Variants in DLG2 observed in about 807,000 individuals in gnomAD.
DLG2 encodes the protein disks large homolog 2.
A neutral mutation model predicts 132.5 loss-of-function variants in DLG2; 45 were observed. The ratio of observed to expected loss-of-function variants is 0.34; its 90% CI spans 0.27 to 0.44. The LOEUF (loss-of-function observed/expected upper bound fraction) is 0.44. DLG2 is among the 20% of genes least tolerant of loss of function. The probability of loss-of-function intolerance (pLI) is 1.00; values close to 1 mark genes in which losing one functional copy is unlikely to be tolerated. For missense variants in DLG2, 1,045 were observed against 1,196.9 expected, an observed-to-expected ratio of 0.87 and a Z score of 1.87; for synonymous variants, 424 against 419.6, an observed-to-expected ratio of 1.01 and a Z score of -0.13.
At chr11:84,874,047 C>T (rs2085923498) in intron 6 of DLG2, among the ~76,000 whole-genome samples, 1 of 152,166 alleles carries the variant, frequency 6.6e-6, no homozygotes, top group Admixed American at 6.6e-5. Flanking sequence ...GGAAACTAAA[C>T]CCTCACATCT....
intron 10 of DLG2, among the ~76,000 whole-genome samples, chr11:84,095,074 T>A (rs1423566360): frequency 1.3e-5 from 2 of 151,534 alleles, no homozygotes; most frequent in East Asian, 3.9e-4. Flanking sequence ...GAAAAAAAAG[T>A]ATGTGAAAAA....
At chr11:84,945,007 G>A (rs1002045536) in intron 6 of DLG2, among the ~76,000 whole-genome samples, 5 of 152,182 alleles carry the variant, frequency 3.3e-5, no homozygotes, top group African/African-American at 4.8e-5. Flanking sequence ...GAAAGGTCAC[G>A]TATCTCTGTC....
chr11:84,760,917 C>T (rs2067538924), intron 6 of DLG2, among the ~76,000 whole-genome samples: 1 of 152,136 alleles, frequency 6.6e-6, no homozygotes, highest in African/African-American at 2.4e-5. Flanking sequence ...CCTCTTCCTG[C>T]TCCCCATCCA....
chr11:85,445,431 A>G (rs1386556811), intron 3 of DLG2, among the ~76,000 whole-genome samples: 1 of 152,150 alleles, frequency 6.6e-6, no homozygotes, highest in Non-Finnish European at 1.5e-5. Flanking sequence ...TAATCCCAGC[A>G]CTTTGGGTGG....
At chr11:84,675,178 T>G (rs1184398970) in intron 6 of DLG2, among the ~76,000 whole-genome samples, 2 of 152,120 alleles carry the variant, frequency 1.3e-5, no homozygotes, top group East Asian at 3.9e-4. Flanking sequence ...TCTGCTGTCT[T>G]GATTTTCAGC....
intron 6 of DLG2, among the ~76,000 whole-genome samples, chr11:84,628,208 A>AC (rs2099626022): frequency 6.6e-6 from 1 of 152,016 alleles, no homozygotes; most frequent in Non-Finnish European, 1.5e-5. Context: ...TTAACACAGC[A>AC]CCTGGCACAG....
chr11:84,281,727 A>T (rs1163132295), intron 7 of DLG2, among the ~76,000 whole-genome samples: 1 of 152,152 alleles, frequency 6.6e-6, no homozygotes, highest in Non-Finnish European at 1.5e-5. Context: ...ACACTTCACC[A>T]GTGAAGATAT....
intron 3 of DLG2, among the ~76,000 whole-genome samples, chr11:85,500,327 T>A (rs2093768497): frequency 8.0e-6 from 1 of 125,684 alleles, no homozygotes; most frequent in Non-Finnish European, 1.5e-5. Flanking sequence ...CACTCATAGG[T>A]GGGAATTGAA....
In DLG2 at chr11:84,373,265, C is replaced by CAAACAAAAAAAAAA. The variant is rs762481478; in HGVS notation, c.520-121975_520-121974insTTTTTTTTTTGTTT. Among the ~76,000 whole-genome samples, 175 of 98,050 alleles carry CAAACAAAAAAAAAA rather than the reference C, an allele frequency of 1.8e-3. 8 individuals are homozygous for CAAACAAAAAAAAAA. The highest frequency in any genetic ancestry group is 7.0e-3 in the African/African-American group (153 of 21,950). The allele number at this position is 98,050 out of a possible 152,430, so 64.3% of individuals were successfully genotyped here. A position where few individuals can be genotyped will look rare whatever the true frequency, so the allele number is the denominator to read the frequency against. On this transcript the variant is annotated intron_variant, in intron 7 of 27. Transcript: ENST00000376104. Reference sequence around the variant, plus strand: ...AGAAACAGTCAAAAAAAAAAAAAAACAAAACAAAAAAAAAACCCACCAGGC... The same window carrying CAAACAAAAAAAAAA: ...AGAAACAGTCAAAAAAAAAAAAAAACAAACAAAAAAAAAAAAAACAAAAAAAAAACCCACCAGGC...
At chr11:84,990,575 C>A (rs999263589) in intron 6 of DLG2, among the ~76,000 whole-genome samples, 4 of 151,896 alleles carry the variant, frequency 2.6e-5, no homozygotes, top group Non-Finnish European at 5.9e-5. Flanking sequence ...CATTATCCAG[C>A]CTAAAGCATT....
chr11:83,668,225 A>G (rs923524112), intron 18 of DLG2, among the ~76,000 whole-genome samples: 2 of 152,154 alleles, frequency 1.3e-5, no homozygotes, highest in South Asian at 2.1e-4. Flanking sequence ...GAAACAAGGT[A>G]GAATGGAGGG....
intron 4 of DLG2, among the ~76,000 whole-genome samples, chr11:85,199,876 T>A (rs141059919): frequency 4.6e-5 from 7 of 152,040 alleles, no homozygotes; most frequent in African/African-American, 1.7e-4. Context: ...AAACAAAATA[T>A]AGAACTTTGG....
intron 6 of DLG2, among the ~76,000 whole-genome samples, chr11:84,545,967 G>C (rs1271599764): frequency 1.3e-5 from 2 of 152,042 alleles, no homozygotes; most frequent in African/African-American, 4.8e-5. Flanking sequence ...TGTTGGCCAG[G>C]CTGGTCTTGA....
At chr11:84,656,820 G>A (rs1595026227) in intron 6 of DLG2, among the ~76,000 whole-genome samples, 1 of 152,204 alleles carries the variant, frequency 6.6e-6, no homozygotes, top group African/African-American at 2.4e-5. Context: ...GGAAAAAAAT[G>A]CATTTAAAAT....
At chr11:84,139,168 C>A (rs1171760921) in intron 9 of DLG2, among the ~76,000 whole-genome samples, 42 of 152,100 alleles carry the variant, frequency 2.8e-4, no homozygotes, top group Admixed American at 2.8e-3. Context: ...CCCCTTCTAC[C>A]TTTAATCTCT....
In DLG2 at chr11:85,034,520, G is replaced by A. The variant is rs145624995; in HGVS notation, c.357+77141C>T. ...ATGGTAAGCCAACGTGAAGTAACAG[G>A]AGAAATAAGAGTCAAAGTATGCCAA... On this transcript the variant is annotated intron_variant, in intron 6 of 27. Transcript: ENST00000376104. Among the ~76,000 whole-genome samples the A allele has an allele frequency of 1.2e-3, 177 of 152,274 alleles. 3 individuals carry two copies. In the East Asian group the frequency reaches 0.033, roughly 28 times the overall value.
intron 4 of DLG2, among the ~76,000 whole-genome samples, chr11:85,176,887 G>A (rs1423792777): frequency 6.6e-6 from 1 of 152,130 alleles, no homozygotes; most frequent in African/African-American, 2.4e-5. Flanking sequence ...TTAAAGAAAT[G>A]AGAATCAAAA....
rs768420271 is a variant in DLG2 at position 84,420,650 on chromosome 11, C to CTTTTTTTTTTTTTTTT, written c.519+113904_519+113919dup. Among the ~76,000 whole-genome samples, 76 of 42,236 alleles carry CTTTTTTTTTTTTTTTT rather than the reference C, an allele frequency of 1.8e-3. 33 individuals are homozygous for CTTTTTTTTTTTTTTTT. Among genetic ancestry groups the CTTTTTTTTTTTTTTTT allele is most frequent in the Non-Finnish European group, 3.1e-3 (65 of 21,018 alleles). The allele number at this position is 42,236 out of a possible 152,430, so 27.7% of individuals were successfully genotyped here. ...CAGCACAGTGACCAATGCTTGTTTT[C>CTTTTTTTTTTTTTTTT]TTTTTTTTTTTTTTTTTTTTTTTTT... On this transcript the variant is annotated intron_variant, in intron 7 of 27. Transcript: ENST00000376104.
chr11:83,613,793 G>T lies in DLG2; in HGVS notation c.1940+19418C>A, dbSNP rs528590289. On this transcript the variant is annotated intron_variant, in intron 19 of 27. Transcript: ENST00000376104. ...AAAGAAAAGAAACCAAAAAAAGAAA[G>T]AAAAGATAAAATAGTGGTTCTCAGA... 2.0e-4 allele frequency among the ~76,000 whole-genome samples: 31 copies of T among 152,232 alleles called. No individual in the cohort carries two copies. In the South Asian group the frequency reaches 5.8e-3, roughly 29 times the overall value.
Sources: gnomAD v4.1 joint callset for allele counts (sites outside exome capture counted in the v4.1 genomes callset) on GRCh38, gnomAD v4.1.1 for gene constraint, MANE v1.5 for transcripts, NCBI Gene and HGNC (gene_info 2026-07-23, HGNC 2026-07-21) for gene names.